PIBF1: variants seen among roughly 807,000 people sequenced by gnomAD.
PIBF1 encodes progesterone immunomodulatory binding factor 1, also known as progesterone-induced-blocking factor 1.
In PIBF1, 90 loss-of-function variants were observed where a neutral mutation model predicts 112.5. The observed-to-expected ratio is 0.80, with a 90% confidence interval of 0.67 to 0.95. The LOEUF (loss-of-function observed/expected upper bound fraction) is 0.95, where lower values mean the gene tolerates loss of function less well. Among genes scored for constraint, PIBF1 ranks in the 40% least tolerant of loss-of-function variants. The probability of loss-of-function intolerance (pLI) is 0.00; values close to 1 mark genes in which losing one functional copy is unlikely to be tolerated. For missense variants in PIBF1, 915 were observed against 852.3 expected, an observed-to-expected ratio of 1.07 and a Z score of -0.92; for synonymous variants, 301 against 288.6, an observed-to-expected ratio of 1.04 and a Z score of -0.44.
intron 16 of PIBF1, among the ~76,000 whole-genome samples, chr13:72,982,100 T>A (rs910052116): frequency 6.6e-6 from 1 of 152,206 alleles, no homozygotes; most frequent in Non-Finnish European, 1.5e-5. Flanking sequence ...TGAATGTAGT[T>A]CCCTTTCCTC....
In PIBF1 at chr13:72,829,835, TG is replaced by T. The variant is rs2037012555; in HGVS notation, c.1097+1926del. 2.0e-5 allele frequency among the ~76,000 whole-genome samples: 3 copies of T among 152,148 alleles called. No individual in the cohort carries two copies. In the South Asian group the frequency reaches 6.2e-4, roughly 32 times the overall value. On this transcript the variant is annotated intron_variant, in intron 8 of 17. Transcript: ENST00000326291. ...GTGAAGAAGGTCAGTGGTAGCTTGA[TG>T]GGGGTAGCATTGAATGTATAAATTA...
At position 72,924,396 on chromosome 13, in the gene PIBF1, T is replaced by C. The variant is rs1409217608; in HGVS notation, c.1731-6769T>C. 2.1e-5 allele frequency among the ~76,000 whole-genome samples: 3 copies of C among 140,200 alleles called. No homozygotes were observed. The Admixed American group carries it at 2.4e-4, about 11-fold the overall frequency. 92.0% of individuals were successfully genotyped at this position (140,200 alleles called of 152,430 possible). A position where few individuals can be genotyped will look rare whatever the true frequency, so the allele number is the denominator to read the frequency against. On this transcript the variant is annotated intron_variant, in intron 13 of 17. Transcript: ENST00000326291. ...GTATGGTTTCTAACAGTGTGTTCATTTGAACAAAATGCACTTACAACAAGA... is the reference window on the plus strand; with the variant it reads ...GTATGGTTTCTAACAGTGTGTTCATCTGAACAAAATGCACTTACAACAAGA...
chr13:72,928,033 A>G (rs1490584798), intron 13 of PIBF1, among the ~76,000 whole-genome samples: 5 of 142,770 alleles, frequency 3.5e-5, no homozygotes, highest in Non-Finnish European at 6.0e-5. Flanking sequence ...ATACATATAT[A>G]TATATATATA....
At chr13:72,911,479 G>T (rs193015847) in intron 12 of PIBF1, among the ~76,000 whole-genome samples, 1 of 152,050 alleles carries the variant, frequency 6.6e-6, no homozygotes, top group African/African-American at 2.4e-5. Flanking sequence ...AATCTGAGAC[G>T]ATACCTAAAT....
At chr13:72,791,665 C>T (rs527851046) in intron 2 of PIBF1, among the ~76,000 whole-genome samples, 1 of 151,830 alleles carries the variant, frequency 6.6e-6, no homozygotes, top group African/African-American at 2.4e-5. Flanking sequence ...CGGAGTCTCG[C>T]TCTGTCTCCC....
intron 2 of PIBF1, among the ~76,000 whole-genome samples, chr13:72,788,674 A>G (rs570091384): frequency 4.5e-4 from 69 of 152,312 alleles, no homozygotes; most frequent in African/African-American, 1.6e-3. Context: ...CAGTGGCCTC[A>G]ATTGACTAAC....
chr13:72,808,010 C>T (rs2035822970), intron 5 of PIBF1, among the ~76,000 whole-genome samples: 1 of 152,022 alleles, frequency 6.6e-6, no homozygotes, highest in Admixed American at 6.6e-5. Context: ...TCAGTAATTT[C>T]TTCCTTTTCA....
chr13:72,800,694 A>G, intron 5 of PIBF1, among the ~76,000 whole-genome samples: 1 of 152,254 alleles, frequency 6.6e-6, no homozygotes, highest in East Asian at 1.9e-4. Flanking sequence ...TAAACAAAAC[A>G]GTAATCCCTG....
chr13:72,817,262 G>C (rs1369316893), intron 5 of PIBF1, among the ~76,000 whole-genome samples: 1 of 152,144 alleles, frequency 6.6e-6, no homozygotes, highest in African/African-American at 2.4e-5. Context: ...CATCATGGGA[G>C]AGACAAAAGA....
At position 72,893,867 on chromosome 13, in the gene PIBF1, G is replaced by C; in HGVS notation, c.1406G>C (p.Arg469Pro). The C allele has an allele frequency of 6.2e-7, 1 of 1,604,944 alleles. No individual in the cohort carries two copies. Residue 469 changes from arginine to proline, a missense_variant, in exon 11 of 18, where the codon CGT becomes CCT. Coordinates refer to ENST00000326291, the MANE Select transcript of PIBF1 (RefSeq NM_006346.4). ...AAATTAAAATCTTTTGAAAGTGAGC[G>C]TGTTCAACTTCTGCAAGAGGAAACA... ...QSKLKSFESE[R>P]VQLLQEETAR...
chr13:72,881,960 A>G (rs2039657109), intron 10 of PIBF1, among the ~76,000 whole-genome samples: 1 of 152,148 alleles, frequency 6.6e-6, no homozygotes, highest in Non-Finnish European at 1.5e-5. Context: ...ATATGGAACC[A>G]CAATAGACCC....
intron 16 of PIBF1, among the ~76,000 whole-genome samples, chr13:72,986,657 C>T (rs901979429): frequency 6.7e-6 from 1 of 150,266 alleles, no homozygotes; most frequent in African/African-American, 2.4e-5. Context: ...GGGTATAGCT[C>T]CAAAAATGTT....
At chr13:72,995,804 G>T (rs957244094) in intron 16 of PIBF1, among the ~76,000 whole-genome samples, 42 of 151,872 alleles carry the variant, frequency 2.8e-4, no homozygotes, top group African/African-American at 9.9e-4. Context: ...ACAAAAATTA[G>T]CTGAGCGTGG....
chr13:72,916,379 C>T (rs951462388), intron 12 of PIBF1, among the ~76,000 whole-genome samples: 2 of 143,550 alleles, frequency 1.4e-5, no homozygotes, highest in Non-Finnish European at 3.0e-5. Flanking sequence ...GCAACAAGAG[C>T]GAAACTCCAT....
intron 13 of PIBF1, among the ~76,000 whole-genome samples, chr13:72,917,563 T>C (rs1301584378): frequency 6.6e-6 from 1 of 152,142 alleles, no homozygotes; most frequent in Non-Finnish European, 1.5e-5. Flanking sequence ...TGATTTGGAA[T>C]TAATGCATAT....
chr13:72,795,604 T>A lies in PIBF1; in HGVS notation c.552+47T>A, dbSNP rs748713466. The stretch of plus-strand genomic sequence containing the variant: ...TTAACTATGACATATATTTTCAGAC[T>A]AAAATTTACCATTTATATAGTAGCA... On this transcript the variant is annotated intron_variant, in intron 4 of 17. Transcript: ENST00000326291. 3.4e-6 allele frequency: 4 copies of A among 1,181,682 alleles called. No homozygotes were observed. The African/African-American group carries it at 6.3e-5, about 18-fold the overall frequency. The allele number at this position is 1,181,682 out of a possible 1,614,324, so 73.2% of individuals were successfully genotyped here. A position where few individuals can be genotyped will look rare whatever the true frequency, so the allele number is the denominator to read the frequency against.
At position 72,809,589 on chromosome 13, in the gene PIBF1, G is replaced by GTTTTTT. The variant is rs34696804; in HGVS notation, c.672+11577_672+11582dup. ...AAATTTAATAGAAGGTTTTTTTTTG[G>GTTTTTT]TTTTTTTTTTTTTTTTTTTGGAGAT... On this transcript the variant is annotated intron_variant, in intron 5 of 17. Transcript: ENST00000326291. Among the ~76,000 whole-genome samples the GTTTTTT allele has an allele frequency of 4.0e-5, 4 of 100,910 alleles. 1 individual carries two copies. The highest frequency in any genetic ancestry group is 8.7e-5 in the Non-Finnish European group (4 of 46,018). The allele number at this position is 100,910 out of a possible 152,430, so 66.2% of individuals were successfully genotyped here. A position where few individuals can be genotyped will look rare whatever the true frequency, so the allele number is the denominator to read the frequency against.
Position 72,893,919 on chromosome 13 carries a change from G to A in PIBF1, c.1458G>A (p.Leu486=). The change falls in exon 11 of 18, where the codon TTG becomes TTA. Residue 486 remains leucine (L), a synonymous_variant. Coordinates refer to ENST00000326291, the MANE Select transcript of PIBF1 (RefSeq NM_006346.4). The part of the protein sequence containing the change: ...ETARNLTQCQ[L]ECEKYQKKLE... The stretch of plus-strand genomic sequence containing the variant: ...CAAGAAATCTCACACAGTGTCAATT[G>A]GAATGTGAAAAATATCAGAAAAAAT... 1 of 1,602,966 alleles carries A rather than the reference G, an allele frequency of 6.2e-7. No homozygotes were observed. Among genetic ancestry groups the A allele is most frequent in the South Asian group, 1.1e-5 (1 of 88,990 alleles).
chr13:72,806,651 C>T (rs868448551), intron 5 of PIBF1, among the ~76,000 whole-genome samples: 17 of 152,202 alleles, frequency 1.1e-4, no homozygotes, highest in South Asian at 4.1e-4. Flanking sequence ...TGATGGTTTG[C>T]GGAGAATGAT....
Sources: gnomAD v4.1 joint callset for allele counts (sites outside exome capture counted in the v4.1 genomes callset) on GRCh38, gnomAD v4.1.1 for gene constraint, MANE v1.5 for transcripts, NCBI Gene and HGNC (gene_info 2026-07-23, HGNC 2026-07-21) for gene names.